The following NCAPD2 variants were observed in gnomAD, a reference collection of about 807,000 sequenced individuals.
The protein encoded by NCAPD2 is condensin complex subunit 1.
A neutral mutation model predicts 164.5 loss-of-function variants in NCAPD2; 100 were observed. That is an observed-to-expected ratio of 0.61 (90% CI 0.52 to 0.72). The LOEUF (loss-of-function observed/expected upper bound fraction) is 0.72, where lower values mean the gene tolerates loss of function less well. Among genes scored for constraint, NCAPD2 ranks in the 30% least tolerant of loss-of-function variants. The pLI is 0.00. For missense variants in NCAPD2, 1,560 were observed against 1,749.2 expected (o/e 0.89, Z 1.93); for synonymous variants, 585 against 642.6 (o/e 0.91, Z 1.36).
intron 2 of NCAPD2, among the ~76,000 whole-genome samples, chr12:6,504,216 T>TACAC (rs1406807438): frequency 7.8e-4 from 18 of 23,200 alleles, no homozygotes; most frequent in Admixed American, 1.8e-3. Context: ...TATATATATA[T>TACAC]AGATATAGAT....
Position 6,498,478 on chromosome 12 carries a change from A to G in NCAPD2, c.127+3253A>G, listed in dbSNP as rs116938189. On this transcript the variant is annotated intron_variant, in intron 2 of 31. Transcript: ENST00000315579. Reference sequence around the variant, plus strand: ...GTAGGACCCTTATCCCAGGAGATATATTCCAAGACCCTTATTAGATGCCTG... The same window carrying G: ...GTAGGACCCTTATCCCAGGAGATATGTTCCAAGACCCTTATTAGATGCCTG... Among the ~76,000 whole-genome samples the G allele has an allele frequency of 4.6e-3, 703 of 152,334 alleles. 5 individuals carry two copies. The highest frequency in any genetic ancestry group is 7.1e-3 in the Non-Finnish European group (480 of 68,022).
chr12:6,531,145 G>A lies in NCAPD2; in HGVS notation c.4120+69G>A. ...AGGGTGCAGAGGGCTGGTTTCCATAGGACCTGCTGCGGGGGCCTGAGTGTA... is the reference window on the plus strand; with the variant it reads ...AGGGTGCAGAGGGCTGGTTTCCATAAGACCTGCTGCGGGGGCCTGAGTGTA... On this transcript the variant is annotated intron_variant, in intron 31 of 31. Transcript: ENST00000315579. This position sits in a 1 kb window ranked among gnomAD's most constrained non-coding sequence, Gnocchi z 4.1. The A allele has an allele frequency of 1.3e-6, 2 of 1,592,620 alleles. No individual in the cohort carries two copies. The highest frequency in any genetic ancestry group is 1.7e-6 in the Non-Finnish European group (2 of 1,166,570).
At position 6,511,186 on chromosome 12, in the gene NCAPD2, C is replaced by T. The variant is rs1461734101; in HGVS notation, c.521C>T (p.Thr174Ile). ...EERQPILQLL[T>I]QLLQLDIRHL... ...AGGCAACCAATTCTTCAGCTTTTAA[C>T]ACAGCTACTTCAGTTGGACATCCGT... The change falls in exon 6 of 32, where the codon ACA becomes ATA. Residue 174 changes from threonine (T) to isoleucine (I), a missense_variant. Physicochemically the swap from Thr to Ile is moderately conservative, Grantham distance 89. Transcript: ENST00000315579. 4.3e-6 allele frequency: 7 copies of T among 1,614,192 alleles called. No individual in the cohort carries two copies. The East Asian group carries it at 1.3e-4, about 31-fold the overall frequency.
intron 2 of NCAPD2, among the ~76,000 whole-genome samples, chr12:6,504,603 G>T (rs1946081599): frequency 6.6e-6 from 1 of 152,064 alleles, no homozygotes; most frequent in Non-Finnish European, 1.5e-5. Flanking sequence ...TGTTGGCCAG[G>T]CTGGTCTCAA....
rs1351543825 is a variant in NCAPD2 at position 6,528,057 on chromosome 12, G to C, written c.3109G>C (p.Ala1037Pro). 1 of 1,614,246 alleles carries C rather than the reference G, an allele frequency of 6.2e-7. No individual in the cohort carries two copies. Among genetic ancestry groups the C allele is most frequent in the East Asian group, 2.2e-5 (1 of 44,888 alleles). ...TAGCAACCCAGACCTCTCTGCAGCT[G>C]CTTCACTTGCCCTTGGCAAGTTCTG... is the stretch of plus-strand genomic sequence containing the variant. ...LYSNPDLSAA[A>P]SLALGKFCMI... The change falls in exon 24 of 32, where the codon GCT (alanine) becomes CCT (proline). Residue 1037 changes from alanine (A) to proline (P), a missense_variant. Ala to Pro is a conservative substitution (Grantham distance 27). Coordinates refer to ENST00000315579, the MANE Select transcript of NCAPD2 (RefSeq NM_014865.4). This position sits in a 1 kb window ranked among gnomAD's most constrained non-coding sequence, Gnocchi z 5.1.
At chr12:6,513,543 C>T (rs777747300) in intron 6 of NCAPD2, among the ~76,000 whole-genome samples, 3 of 151,814 alleles carry the variant, frequency 2.0e-5, no homozygotes, top group Admixed American at 1.3e-4. Flanking sequence ...AGGAACTAGC[C>T]AAAGAAACTG....
chr12:6,516,753 GA>G, intron 9 of NCAPD2, 74 bp from the exon 10 acceptor site: 2 of 1,473,876 alleles, frequency 1.4e-6, no homozygotes, highest in East Asian at 2.3e-5. Flanking sequence ...GCAGTTAATG[GA>G]AAAAGTTATG....
chr12:6,525,722 G>C lies in NCAPD2; in HGVS notation c.2348+6G>C. 6.2e-7 allele frequency: 1 copy of C among 1,612,386 alleles called. No homozygotes were observed. Among genetic ancestry groups the C allele is most frequent in the Non-Finnish European group, 8.5e-7 (1 of 1,178,918 alleles). On this transcript the variant is annotated splice_donor_region_variant and intron_variant, in intron 18 of 31. Transcript: ENST00000315579. ...CTTCTTGGCATGATGGCACGGTGAGGCTCAAATCTAGCAGGCAATGGGGTG... is the reference window on the plus strand; with the variant it reads ...CTTCTTGGCATGATGGCACGGTGAGCCTCAAATCTAGCAGGCAATGGGGTG...
chr12:6,517,263 A>G, intron 10 of NCAPD2, 102 bp from the exon 11 acceptor site: 2 of 1,507,638 alleles, frequency 1.3e-6, no homozygotes, highest in Non-Finnish European at 1.8e-6. Flanking sequence ...AAGGGTTTTT[A>G]GAGTGAGTGG....
intron 18 of NCAPD2, 41 bp from the exon 19 acceptor site, chr12:6,526,027 A>G (rs1218684079): frequency 6.2e-7 from 1 of 1,607,960 alleles, no homozygotes. Flanking sequence ...CGATGAGTCC[A>G]ATCCATGACT....
In NCAPD2 at chr12:6,529,570, G is replaced by T. The variant is rs1470859476; in HGVS notation, c.3630G>T (p.Leu1210=). ...DKQTESLVEK[L]CQRFRTSRTE... Reference sequence around the variant, plus strand: ...AGACAGAGAGCCTGGTGGAAAAGCTGTGTCAGCGGTTCCGCACATCCCGGT... The same window carrying T: ...AGACAGAGAGCCTGGTGGAAAAGCTTTGTCAGCGGTTCCGCACATCCCGGT... Residue 1210 remains leucine (L), a synonymous_variant, in exon 28 of 32, where the codon CTG becomes CTT. Transcript: ENST00000315579. 2 of 1,614,070 alleles carry T rather than the reference G, an allele frequency of 1.2e-6. No individual in the cohort carries two copies. The highest frequency in any genetic ancestry group is 2.7e-5 in the African/African-American group (2 of 74,924).
rs1299524301 is a variant in NCAPD2 at position 6,528,748 on chromosome 12, C to T, written c.3369C>T (p.Asp1123=). The T allele has an allele frequency of 2.5e-6, 4 of 1,613,978 alleles. No homozygotes were observed. The highest frequency in any genetic ancestry group is 1.7e-5 in the Admixed American group (1 of 59,984). Residue 1123 remains aspartate, a synonymous_variant, in exon 26 of 32, where the codon GAC becomes GAT. Coordinates refer to ENST00000315579, the MANE Select transcript of NCAPD2 (RefSeq NM_014865.4). The surrounding 1 kb of genome is among the most constrained non-coding windows in gnomAD (Gnocchi z 5.1). The part of the protein sequence containing the change: ...GLVMTHLILK[D]MVKVKGQVSE... ...TGATGACCCACCTGATCCTCAAGGACATGGTGAAGGTGAAGGGGCAGGTCA... is the reference window on the plus strand; with the variant it reads ...TGATGACCCACCTGATCCTCAAGGATATGGTGAAGGTGAAGGGGCAGGTCA...
intron 6 of NCAPD2, among the ~76,000 whole-genome samples, chr12:6,513,065 TAA>T (rs138042139): frequency 0.019 from 2,961 of 152,312 alleles, 88 homozygotes; most frequent in African/African-American, 0.063. Context: ...ATTAGCCACG[TAA>T]AGTCAGATTT....
chr12:6,510,258 G>C, intron 4 of NCAPD2, 125 bp downstream of exon 4: 1 of 1,113,978 alleles, frequency 9.0e-7, no homozygotes, highest in Non-Finnish European at 1.4e-6. Context: ...TGATTCAGTT[G>C]GTTTGGCTAA....
chr12:6,520,963 C>T, intron 13 of NCAPD2, 23 bp from the exon 14 acceptor site: 1 of 1,613,470 alleles, frequency 6.2e-7, no homozygotes. Flanking sequence ...CTTCTGGGTA[C>T]TGACAGGCTG....
Position 6,523,363 on chromosome 12 carries a change from T to G in NCAPD2, c.2214+17T>G. On this transcript the variant is annotated intron_variant, in intron 17 of 31. Coordinates refer to ENST00000315579, the MANE Select transcript of NCAPD2 (RefSeq NM_014865.4). ...GAGGAAATTGTAAGGCTTCCTGCTT[T>G]CTCTTTCTTTATTCATTCAACAAGT... 6.3e-7 allele frequency: 1 copy of G among 1,585,970 alleles called. No homozygotes were observed. The highest frequency in any genetic ancestry group is 8.6e-7 in the Non-Finnish European group (1 of 1,159,572).
At chr12:6,518,504 G>GTTTTTTGTTTTTT (rs1946226490) in intron 13 of NCAPD2, among the ~76,000 whole-genome samples, 1 of 44,774 alleles carries the variant, frequency 2.2e-5, no homozygotes, top group African/African-American at 1.0e-4. Context: ...CCGTCAACAA[G>GTTTTTTGTTTTTT]TTTTTTTTTT....
Position 6,526,147 on chromosome 12 carries a change from A to G in NCAPD2, c.2428A>G (p.Arg810Gly). The G allele has an allele frequency of 6.2e-7, 1 of 1,614,204 alleles. No homozygotes were observed. The highest frequency in any genetic ancestry group is 8.5e-7 in the Non-Finnish European group (1 of 1,180,046). The change falls in exon 19 of 32, where the codon AGG becomes GGG. Residue 810 changes from arginine (R) to glycine (G), a missense_variant. By Grantham distance (125) the Arg-to-Gly change is moderately radical. Transcript: ENST00000315579. ...GGATGAGAAGTTTCCACAGGACTAC[A>G]GGCTGGCCCAGCAGGTGTGCCATGC... ...GLDEKFPQDY[R>G]LAQQVCHAIA...
chr12:6,510,180 T>TTGTTTG (rs1427647043), intron 4 of NCAPD2, 47 bp downstream of exon 4: 1 of 1,524,702 alleles, frequency 6.6e-7, no homozygotes, highest in Non-Finnish European at 9.1e-7. Flanking sequence ...TTGTTATCGT[T>TTGTTTG]TGTTTGTTTG....
Sources: gnomAD v4.1 joint callset for allele counts (sites outside exome capture counted in the v4.1 genomes callset) on GRCh38, gnomAD v4.1.1 for gene constraint, Gnocchi (gnomAD v3.1) non-coding constraint, MANE v1.5 for transcripts, NCBI Gene and HGNC (gene_info 2026-07-23, HGNC 2026-07-21) for gene names.